SORCS2: variants seen among roughly 807,000 people sequenced by gnomAD.
The protein encoded by SORCS2 is sortilin related VPS10 domain containing receptor 2.
A neutral mutation model predicts 141.6 loss-of-function variants in SORCS2; 100 were observed. That is an observed-to-expected ratio of 0.71 (90% confidence interval 0.60 to 0.83). The LOEUF (loss-of-function observed/expected upper bound fraction) is 0.83. Among genes scored for constraint, SORCS2 ranks in the 40% least tolerant of loss-of-function variants. The pLI, the probability that SORCS2 is intolerant of heterozygous loss-of-function variation, is 0.00. For missense variants in SORCS2, 1,646 were observed against 1,560.2 expected (o/e 1.05, Z -0.93); for synonymous variants, 789 against 676.9 (o/e 1.17, Z -2.57).
At chr4:7,239,346 A>T (rs1347391766) in intron 1 of SORCS2, among the ~76,000 whole-genome samples, 2 of 152,198 alleles carry the variant, frequency 1.3e-5, no homozygotes, top group East Asian at 3.8e-4. Context: ...CCTCCTTTGG[A>T]CTGCCAGGAG....
intron 2 of SORCS2, among the ~76,000 whole-genome samples, chr4:7,476,599 C>A (rs1005261551): frequency 6.6e-6 from 1 of 152,158 alleles, no homozygotes; most frequent in African/African-American, 2.4e-5. Context: ...TGACACAGAC[C>A]TTTTCCTGAT....
chr4:7,672,919 G>A (rs1310939313), intron 8 of SORCS2, among the ~76,000 whole-genome samples: 1 of 152,156 alleles, frequency 6.6e-6, no homozygotes, highest in Non-Finnish European at 1.5e-5. Flanking sequence ...TTACTCACAA[G>A]CAAACCTAAT....
chr4:7,676,059 A>T lies in SORCS2; in HGVS notation c.1171A>T (p.Ile391Phe). 1 of 1,583,666 alleles carries T rather than the reference A, an allele frequency of 6.3e-7. No homozygotes were observed. The highest frequency in any genetic ancestry group is 8.6e-7 in the Non-Finnish European group (1 of 1,163,974). Residue 391 changes from isoleucine (I) to phenylalanine (F), a missense_variant, in exon 9 of 27, where the codon ATC becomes TTC. By Grantham distance (21) the Ile-to-Phe change is conservative (BLOSUM62 0). Transcript: ENST00000507866. ...CTGCACATCCCCACAGGATCTGCAG[A>T]TCATCAGCACGGACGAGAGTCAGGT... ...PKYALPKDLQIISTDESQVFV... is the reference protein window; with the variant it reads ...PKYALPKDLQFISTDESQVFV...
At chr4:7,564,294 G>C (rs540833016) in intron 3 of SORCS2, among the ~76,000 whole-genome samples, 2 of 152,202 alleles carry the variant, frequency 1.3e-5, no homozygotes, top group African/African-American at 2.4e-5. Flanking sequence ...TCTAGGACAA[G>C]GTCCTTCCTT....
chr4:7,727,591 A>C (rs777948387), intron 21 of SORCS2, among the ~76,000 whole-genome samples: 3 of 152,222 alleles, frequency 2.0e-5, no homozygotes, highest in Non-Finnish European at 2.9e-5. Context: ...CAGGCCCTTC[A>C]CACCCTGGAG....
rs953982219 is a variant in SORCS2 at position 7,301,572 on chromosome 4, G to T, written c.481-94716G>T. ...GGAGCACGGCAGGCAGAGCACCCTC[G>T]ACCCTTCTCCCCACGGGGCAGAGGC... On this transcript the variant is annotated intron_variant, in intron 1 of 26. Coordinates refer to ENST00000507866, the MANE Select transcript of SORCS2 (RefSeq NM_020777.3). 2.5e-4 allele frequency among the ~76,000 whole-genome samples: 38 copies of T among 152,308 alleles called. 1 individual carries two copies. Among genetic ancestry groups the T allele is most frequent in the African/African-American group, 8.4e-4 (35 of 41,582 alleles).
chr4:7,398,506 T>C lies in SORCS2; in HGVS notation c.548+2151T>C, dbSNP rs180761651. On this transcript the variant is annotated intron_variant, in intron 2 of 26. Coordinates refer to ENST00000507866, the MANE Select transcript of SORCS2 (RefSeq NM_020777.3). ...TGTTCCCTTCTCATCACTGTCTCTA[T>C]ACCCAGATGTTTCTTCGCCTTTATT... Among the ~76,000 whole-genome samples the C allele has an allele frequency of 1.5e-3, 224 of 152,376 alleles. 1 individual carries two copies. The highest frequency in any genetic ancestry group is 3.7e-3 in the Admixed American group (57 of 15,312).
chr4:7,605,538 T>C (rs1718004168), intron 3 of SORCS2, among the ~76,000 whole-genome samples: 1 of 152,184 alleles, frequency 6.6e-6, no homozygotes, highest in Non-Finnish European at 1.5e-5. Flanking sequence ...AATCCTGTTT[T>C]CTTGCAAGCT....
intron 1 of SORCS2, among the ~76,000 whole-genome samples, chr4:7,301,194 C>G (rs1452604416): frequency 1.3e-5 from 2 of 152,220 alleles, no homozygotes; most frequent in Non-Finnish European, 2.9e-5. Context: ...CGCTTTTCCT[C>G]CACTCATTTC....
At chr4:7,634,608 C>T (rs993464095) in intron 3 of SORCS2, among the ~76,000 whole-genome samples, 3 of 152,180 alleles carry the variant, frequency 2.0e-5, no homozygotes, top group African/African-American at 7.2e-5. Flanking sequence ...CTCTCCCATG[C>T]TAATGAATTC....
chr4:7,226,848 T>G (rs1729022057), intron 1 of SORCS2, among the ~76,000 whole-genome samples: 1 of 152,156 alleles, frequency 6.6e-6, no homozygotes, highest in Admixed American at 6.5e-5. Flanking sequence ...GTGGCCTGTT[T>G]CTGTTTTTGT....
intron 3 of SORCS2, among the ~76,000 whole-genome samples, chr4:7,585,773 C>A (rs1040644221): frequency 1.3e-5 from 2 of 152,158 alleles, no homozygotes; most frequent in Non-Finnish European, 2.9e-5. Flanking sequence ...TTTGGGAGGA[C>A]GCATGTGGGG....
In SORCS2 at chr4:7,723,835, G is replaced by A; in HGVS notation, c.2563G>A (p.Glu855Lys). 1 of 1,612,914 alleles carries A rather than the reference G, an allele frequency of 6.2e-7. No individual in the cohort carries two copies. Among genetic ancestry groups the A allele is most frequent in the South Asian group, 1.1e-5 (1 of 91,082 alleles). ...CATCTACCGCGTGTCCGTCAGGGCA[G>A]AGAACACGGCAGGCCACGATGAGGC... ...PGIYRVSVRA[E>K]NTAGHDEAVL... Residue 855 changes from glutamate to lysine, a missense_variant, in exon 19 of 27, where the codon GAG becomes AAG. Glu to Lys is a moderately conservative substitution (Grantham distance 56). Transcript: ENST00000507866.
intron 3 of SORCS2, among the ~76,000 whole-genome samples, chr4:7,613,138 C>G (rs1296186978): frequency 6.6e-6 from 1 of 152,254 alleles, no homozygotes; most frequent in Non-Finnish European, 1.5e-5. Flanking sequence ...TGTCAGCCTT[C>G]CAGGCAGAGG....
intron 3 of SORCS2, among the ~76,000 whole-genome samples, chr4:7,581,656 G>A (rs1442356279): frequency 1.3e-5 from 2 of 152,154 alleles, no homozygotes; most frequent in Non-Finnish European, 2.9e-5. Context: ...ATTGGGTCTT[G>A]GCTGCTGTGG....
At chr4:7,678,558 G>T (rs1378772965) in intron 9 of SORCS2, among the ~76,000 whole-genome samples, 1 of 147,768 alleles carries the variant, frequency 6.8e-6, no homozygotes, top group Non-Finnish European at 1.5e-5. Context: ...CCGGCCTGGG[G>T]CAGGAGTCAG....
At chr4:7,254,268 C>T (rs1713700758) in intron 1 of SORCS2, among the ~76,000 whole-genome samples, 1 of 152,184 alleles carries the variant, frequency 6.6e-6, no homozygotes, top group African/African-American at 2.4e-5. Context: ...TAGAATCAAA[C>T]TAAGTGTCCA....
chr4:7,690,886 C>T (rs1300233798), intron 11 of SORCS2, among the ~76,000 whole-genome samples: 1 of 152,180 alleles, frequency 6.6e-6, no homozygotes, highest in Non-Finnish European at 1.5e-5. Context: ...CTAGAACATC[C>T]AAGAATCCTG....
chr4:7,437,525 C>T (rs1001625290), intron 2 of SORCS2, among the ~76,000 whole-genome samples: 13 of 152,254 alleles, frequency 8.5e-5, no homozygotes, highest in East Asian at 3.9e-4. Flanking sequence ...TTCCAGTCCT[C>T]GAATGGCTTG....
Sources: allele counts gnomAD v4.1 joint callset (sites outside exome capture counted in the v4.1 genomes callset), GRCh38; gene constraint gnomAD v4.1.1; transcripts MANE v1.5; gene names NCBI Gene and HGNC (gene_info 2026-07-23, HGNC 2026-07-21).